The following ERBB4 variants were observed in gnomAD, a reference collection of about 807,000 sequenced individuals.
ERBB4 encodes receptor tyrosine-protein kinase erbB-4.
Under a neutral mutation model 158.0 loss-of-function variants are expected in ERBB4, and 42 were observed. The ratio of observed to expected loss-of-function variants is 0.27; its 90% confidence interval spans 0.21 to 0.34. The LOEUF (loss-of-function observed/expected upper bound fraction) is 0.34. Ranked by LOEUF, ERBB4 falls within the 10% of genes least tolerant of loss-of-function variation. The probability of loss-of-function intolerance (pLI) is 1.00; values close to 1 mark genes in which losing one functional copy is unlikely to be tolerated. For missense variants in ERBB4, 1,333 were observed against 1,624.1 expected (o/e 0.82, Z 3.08); for synonymous variants, 583 against 558.7 (o/e 1.04, Z -0.61).
At chr2:211,668,547 A>C (rs1187708395) in intron 14 of ERBB4, among the ~76,000 whole-genome samples, 1 of 152,192 alleles carries the variant, frequency 6.6e-6, no homozygotes, top group Non-Finnish European at 1.5e-5. Flanking sequence ...TCAATAATCT[A>C]GACAGACAAC....
At chr2:212,063,065 C>A (rs924818325) in intron 2 of ERBB4, among the ~76,000 whole-genome samples, 1 of 152,084 alleles carries the variant, frequency 6.6e-6, no homozygotes, top group Non-Finnish European at 1.5e-5. Flanking sequence ...GGAGACTTAT[C>A]AAATAGTAAA....
At chr2:211,649,952 T>C (rs1271640070) in intron 16 of ERBB4, among the ~76,000 whole-genome samples, 1 of 151,934 alleles carries the variant, frequency 6.6e-6, no homozygotes. Flanking sequence ...CCTATATACA[T>C]AGTACAGAAG....
chr2:211,561,359 C>T (rs1455269239), intron 20 of ERBB4, among the ~76,000 whole-genome samples: 1 of 152,168 alleles, frequency 6.6e-6, no homozygotes, highest in East Asian at 1.9e-4. Flanking sequence ...ACCCACCTCC[C>T]CTATCACCCC....
chr2:212,070,810 TA>T (rs2078093095), intron 2 of ERBB4, among the ~76,000 whole-genome samples: 1 of 152,050 alleles, frequency 6.6e-6, no homozygotes. Context: ...CATTTAGTTT[TA>T]AAATTGAATT....
chr2:211,852,645 T>A (rs1413610421), intron 3 of ERBB4, among the ~76,000 whole-genome samples: 5 of 151,440 alleles, frequency 3.3e-5, no homozygotes, highest in African/African-American at 1.2e-4. Flanking sequence ...ACTTTTTTTT[T>A]TTTTTTGCCG....
intron 3 of ERBB4, among the ~76,000 whole-genome samples, chr2:211,898,934 A>G (rs915653616): frequency 2.0e-5 from 3 of 152,072 alleles, no homozygotes; most frequent in African/African-American, 7.2e-5. Context: ...TTCACACTCA[A>G]TCGTCCAAAC....
chr2:211,823,725 A>G (rs1193766085), intron 3 of ERBB4, among the ~76,000 whole-genome samples: 2 of 152,160 alleles, frequency 1.3e-5, no homozygotes, highest in South Asian at 4.1e-4. Flanking sequence ...TGAAAATGTC[A>G]TTAATCAATG....
Position 212,262,336 on chromosome 2 carries a change from G to A in ERBB4, c.83-137433C>T, listed in dbSNP as rs1205276068. Among the ~76,000 whole-genome samples the A allele has an allele frequency of 5.3e-5, 8 of 152,070 alleles. No individual in the cohort carries two copies. In the South Asian group the frequency reaches 1.0e-3, roughly 20 times the overall value. On this transcript the variant is annotated intron_variant, in intron 1 of 27. Coordinates refer to ENST00000342788, the MANE Select transcript of ERBB4 (RefSeq NM_005235.3). ...ATTCAGAATAATTTTCTGACTCCACGCATTGCAAGCCTTGTTTCTCCTCCA... is the reference window on the plus strand; with the variant it reads ...ATTCAGAATAATTTTCTGACTCCACACATTGCAAGCCTTGTTTCTCCTCCA...
chr2:211,779,384 G>C (rs1277197706), intron 4 of ERBB4: 4 of 152,268 alleles, frequency 2.6e-5, no homozygotes, highest in Non-Finnish European at 5.9e-5. Flanking sequence ...AATAGGAGCA[G>C]TACTCGCCAT....
chr2:212,126,580 C>G (rs1398711542), intron 1 of ERBB4, among the ~76,000 whole-genome samples: 1 of 151,516 alleles, frequency 6.6e-6, no homozygotes, highest in African/African-American at 2.4e-5. Context: ...TGTACTGACT[C>G]TAATCCTAAG....
intron 1 of ERBB4, among the ~76,000 whole-genome samples, chr2:212,289,249 T>C (rs1389730196): frequency 1.3e-5 from 2 of 152,214 alleles, no homozygotes. Context: ...CTGCTTTTCC[T>C]GATTTTTTAA....
intron 1 of ERBB4, among the ~76,000 whole-genome samples, chr2:212,533,127 G>A (rs529732989): frequency 1.8e-4 from 28 of 152,230 alleles, no homozygotes; most frequent in Non-Finnish European, 3.5e-4. Flanking sequence ...ATATTTTGGG[G>A]AAATTGCCCT....
intron 2 of ERBB4, among the ~76,000 whole-genome samples, chr2:212,092,101 T>C (rs2078796982): frequency 6.6e-6 from 1 of 152,184 alleles, no homozygotes; most frequent in East Asian, 1.9e-4. Flanking sequence ...TTATTAGCAA[T>C]GTCCTATGGG....
chr2:211,784,171 A>C (rs1285197976), intron 4 of ERBB4, among the ~76,000 whole-genome samples: 1 of 152,232 alleles, frequency 6.6e-6, no homozygotes. Context: ...TGTTAAGTAT[A>C]TTCACATTGT....
At chr2:212,090,532 T>C (rs554203941) in intron 2 of ERBB4, among the ~76,000 whole-genome samples, 10 of 152,284 alleles carry the variant, frequency 6.6e-5, no homozygotes, top group African/African-American at 2.4e-4. Context: ...TTGGTCCCTG[T>C]GCCTTCAACT....
chr2:212,239,154 C>A (rs2106007524), intron 1 of ERBB4, among the ~76,000 whole-genome samples: 1 of 152,292 alleles, frequency 6.6e-6, no homozygotes, highest in East Asian at 1.9e-4. Flanking sequence ...CCTGGATGAT[C>A]CTCCTGCCTC....
At chr2:211,491,079 C>T (rs978531375) in intron 20 of ERBB4, among the ~76,000 whole-genome samples, 3 of 152,030 alleles carry the variant, frequency 2.0e-5, no homozygotes, top group Non-Finnish European at 4.4e-5. Flanking sequence ...TCTCTTAATT[C>T]ATCAGGTGAT....
chr2:212,036,576 T>C (rs779828360), intron 2 of ERBB4, among the ~76,000 whole-genome samples: 2 of 151,950 alleles, frequency 1.3e-5, no homozygotes, highest in Non-Finnish European at 2.9e-5. Flanking sequence ...GTTATTCTCC[T>C]GCCTCAGCCT....
Position 212,188,226 on chromosome 2 carries a change from CTCTCTCT to C in ERBB4, c.83-63330_83-63324del, listed in dbSNP as rs2082078488. ...TCTCTCTCTCTCTCTCTCTCTCTCT[CTCTCTCT>C]CCCCCCCCCTCTCACCCCCTCCCTC... On this transcript the variant is annotated intron_variant, in intron 1 of 27. Transcript: ENST00000342788. Among the ~76,000 whole-genome samples the C allele has an allele frequency of 1.1e-3, 38 of 35,600 alleles. 1 individual carries two copies. The highest frequency in any genetic ancestry group is 4.5e-3 in the South Asian group (2 of 444). The allele number at this position is 35,600 out of a possible 152,430, so 23.4% of individuals were successfully genotyped here. A position where few individuals can be genotyped will look rare whatever the true frequency, so the allele number is the denominator to read the frequency against.
Sources: allele counts gnomAD v4.1 joint callset (sites outside exome capture counted in the v4.1 genomes callset), GRCh38; gene constraint gnomAD v4.1.1; transcripts MANE v1.5; gene names NCBI Gene and HGNC (gene_info 2026-07-23, HGNC 2026-07-21).